The following GALNT14 variants were observed in gnomAD, a reference collection of about 807,000 sequenced individuals.
GALNT14 encodes the protein polypeptide N-acetylgalactosaminyltransferase 14, also known as UDP-GalNAc:polypeptide N-acetylgalactosaminyltransferase 14.
GALNT14 carries 60 observed loss-of-function variants against 77.5 expected under a neutral mutation model. The observed-to-expected ratio is 0.77, with a 90% CI of 0.63 to 0.96. The LOEUF (loss-of-function observed/expected upper bound fraction) is 0.96, where lower values mean the gene tolerates loss of function less well. Among genes scored for constraint, GALNT14 ranks in the 40% least tolerant of loss-of-function variants. GALNT14 has a pLI of 0.00. For synonymous variants in GALNT14, 280 were observed against 281.7 expected (o/e 0.99, Z 0.06); for missense variants, 710 against 731.0 (o/e 0.97, Z 0.33).
intron 7 of GALNT14, among the ~76,000 whole-genome samples, 160 bp from the exon 8 acceptor site, chr2:30,945,102 T>A (rs1323655800): frequency 6.6e-6 from 1 of 152,260 alleles, no homozygotes; most frequent in Non-Finnish European, 1.5e-5. Flanking sequence ...ATCAGCAGCA[T>A]GGCTGCCAAA....
chr2:30,977,092 C>CTTTTTTTTTTTTTTTTTTTTTTTTTTTT lies in GALNT14; in HGVS notation c.300-10791_300-10790insAAAAAAAAAAAAAAAAAAAAAAAAAAAA, dbSNP rs11314175. Among the ~76,000 whole-genome samples, 23 of 135,114 alleles carry CTTTTTTTTTTTTTTTTTTTTTTTTTTTT rather than the reference C, an allele frequency of 1.7e-4. 1 individual carries two copies. Among genetic ancestry groups the CTTTTTTTTTTTTTTTTTTTTTTTTTTTT allele is most frequent in the South Asian group, 4.8e-4 (2 of 4,186 alleles). 88.6% of individuals were successfully genotyped at this position (135,114 alleles called of 152,430 possible). A position where few individuals can be genotyped will look rare whatever the true frequency, so the allele number is the denominator to read the frequency against. ...CTTTATTCCATATTGGCTTTTCTGT[C>CTTTTTTTTTTTTTTTTTTTTTTTTTTTT]TTTTTTTTTTTTTTTGAGACAGGGT... On this transcript the variant is annotated intron_variant, in intron 2 of 14. Transcript: ENST00000349752.
chr2:30,924,633 C>G, intron 12 of GALNT14, 107 bp downstream of exon 12: 1 of 877,832 alleles, frequency 1.1e-6, no homozygotes, highest in East Asian at 2.6e-5. Flanking sequence ...CTCTGATATA[C>G]ATAAAAGCCC....
intron 2 of GALNT14, among the ~76,000 whole-genome samples, chr2:30,988,985 G>A (rs1669492182): frequency 6.6e-6 from 1 of 152,184 alleles, no homozygotes. Context: ...TGTTAGAAAT[G>A]TGGACTCACG....
rs1456731987 is a variant in GALNT14 at position 30,993,024 on chromosome 2, G to A, written c.130-17C>T. On this transcript the variant is annotated splice_polypyrimidine_tract_variant and intron_variant, in intron 1 of 14. Transcript: ENST00000349752. The stretch of plus-strand genomic sequence containing the variant: ...GTCCGAAGGCTGCGTGACACGAATG[G>A]GAAGTCTGTGAGAACGGCTCCCTGT... The A allele has an allele frequency of 6.2e-7, 1 of 1,612,942 alleles. No individual in the cohort carries two copies. The highest frequency in any genetic ancestry group is 8.5e-7 in the Non-Finnish European group (1 of 1,179,564).
At chr2:30,970,618 C>A (rs756892366) in intron 2 of GALNT14, among the ~76,000 whole-genome samples, 9 of 152,114 alleles carry the variant, frequency 5.9e-5, no homozygotes, top group Non-Finnish European at 1.2e-4. Flanking sequence ...ACTGGGCCCA[C>A]CTTACTGACA....
chr2:30,902,484 C>A, the GALNT14 span, among the ~76,000 whole-genome samples: 2 of 152,134 alleles, frequency 1.3e-5, no homozygotes, highest in African/African-American at 4.8e-5. Flanking sequence ...ACCCCAAGGG[C>A]TTTGGCTATA....
chr2:31,022,732 A>G (rs1671798998), intron 1 of GALNT14, among the ~76,000 whole-genome samples: 1 of 151,894 alleles, frequency 6.6e-6, no homozygotes, highest in Admixed American at 6.6e-5. Context: ...AAATTATAGT[A>G]CTCCCTAATA....
chr2:31,048,234 T>C (rs1052738170), intron 1 of GALNT14, among the ~76,000 whole-genome samples: 8 of 152,138 alleles, frequency 5.3e-5, no homozygotes, highest in Admixed American at 3.9e-4. Context: ...CACACCAGGA[T>C]TGGTGGTATA....
chr2:31,064,241 T>G (rs1674792153), intron 1 of GALNT14, among the ~76,000 whole-genome samples: 2 of 152,244 alleles, frequency 1.3e-5, no homozygotes, highest in Non-Finnish European at 2.9e-5. Flanking sequence ...GGCACACAAC[T>G]TAAATGTAAA....
rs1468509088 is a variant in GALNT14 at position 31,138,165 on chromosome 2, T to C, written c.-79A>G. 1 of 1,588,118 alleles carries C rather than the reference T, an allele frequency of 6.3e-7. No homozygotes were observed. Among genetic ancestry groups the C allele is most frequent in the Non-Finnish European group, 8.6e-7 (1 of 1,161,040 alleles). On this transcript the variant is annotated 5_prime_UTR_variant, in exon 1 of 15. Transcript: ENST00000349752. The stretch of plus-strand genomic sequence containing the variant: ...GCGGTCAGGGTTGGCGGGGCAGGAG[T>C]CCTGGCGAGCGCCTCGCTCTGGGGA...
chr2:30,904,106 G>A, the GALNT14 span, among the ~76,000 whole-genome samples: 1 of 152,136 alleles, frequency 6.6e-6, no homozygotes, highest in South Asian at 2.1e-4. Flanking sequence ...CACACCTACT[G>A]AACCAGGATC....
intron 1 of GALNT14, among the ~76,000 whole-genome samples, chr2:31,108,117 C>A (rs1469218285): frequency 2.6e-5 from 4 of 152,284 alleles, no homozygotes. Flanking sequence ...TGGCTGTGAG[C>A]AAACATAGGC....
intron 9 of GALNT14, 141 bp from the exon 10 acceptor site, chr2:30,932,335 G>C: frequency 2.7e-6 from 2 of 740,396 alleles, no homozygotes; most frequent in Non-Finnish European, 4.0e-6. Flanking sequence ...CACTGGCTGA[G>C]AGACCTCAGT....
intron 1 of GALNT14, among the ~76,000 whole-genome samples, chr2:31,052,416 C>A (rs934854096): frequency 3.3e-5 from 5 of 152,202 alleles, no homozygotes; most frequent in Non-Finnish European, 5.9e-5. Flanking sequence ...AGAGGTCAAA[C>A]AACAGAGTGA....
intron 13 of GALNT14, among the ~76,000 whole-genome samples, chr2:30,918,411 A>C (rs1664815749): frequency 6.6e-6 from 1 of 152,206 alleles, no homozygotes; most frequent in African/African-American, 2.4e-5. Context: ...GCAAGGAACA[A>C]ATGGGTTAAT....
intron 2 of GALNT14, 71 bp downstream of exon 2, chr2:30,992,767 G>C: frequency 6.5e-7 from 1 of 1,531,982 alleles, no homozygotes; most frequent in Non-Finnish European, 9.0e-7. Flanking sequence ...GCATACAGCA[G>C]GCCCCAGATC....
In GALNT14 at chr2:30,912,340, T is replaced by C. The variant is rs757843420; in HGVS notation, c.1383A>G (p.Val461=). The part of the protein sequence containing the change: ...KVKGEDAKSQ[V]WAFTYTQQIL... The stretch of plus-strand genomic sequence containing the variant: ...TCTGCTGGGTGTATGTGAAGGCCCA[T>C]ACCTGGGGAGAAAGAGACCAGGAAG... Residue 461 remains valine (V), a splice_region_variant and synonymous_variant, in exon 14 of 15, where the codon GTA becomes GTG. Transcript: ENST00000349752. 127 of 1,613,760 alleles carry C rather than the reference T, an allele frequency of 7.9e-5. No homozygotes were observed. The highest frequency in any genetic ancestry group is 3.2e-4 in the Admixed American group (19 of 59,954).
intron 1 of GALNT14, among the ~76,000 whole-genome samples, chr2:31,080,845 G>A (rs1294976065): frequency 2.6e-5 from 4 of 152,196 alleles, no homozygotes; most frequent in Non-Finnish European, 5.9e-5. Flanking sequence ...TACAAAACTG[G>A]AAGACACTTG....
At chr2:31,118,423 A>T (rs772677613) in intron 1 of GALNT14, among the ~76,000 whole-genome samples, 1 of 152,220 alleles carries the variant, frequency 6.6e-6, no homozygotes, top group African/African-American at 2.4e-5. Context: ...CTGTAACTAA[A>T]TAGAGTTCAT....
Sources: allele counts gnomAD v4.1 joint callset (sites outside exome capture counted in the v4.1 genomes callset), GRCh38; gene constraint gnomAD v4.1.1; transcripts MANE v1.5; gene names NCBI Gene and HGNC (gene_info 2026-07-23, HGNC 2026-07-21).